The following CDC73 variants were observed in gnomAD, a reference collection of about 807,000 sequenced individuals.
CDC73 encodes the protein cell division cycle 73.
Under a neutral mutation model 83.7 loss-of-function variants are expected in CDC73, and 21 were observed. That is an observed-to-expected ratio of 0.25 (90% CI 0.18 to 0.36). The LOEUF is 0.36. Among genes scored for constraint, CDC73 ranks in the 10% least tolerant of loss-of-function variants. The pLI is 1.00. For missense variants in CDC73, 342 were observed against 653.3 expected (o/e 0.52, Z 5.19); for synonymous variants, 224 against 212.9 (o/e 1.05, Z -0.45).
intron 10 of CDC73, among the ~76,000 whole-genome samples, chr1:193,200,182 C>T (rs974412212): frequency 2.6e-5 from 4 of 152,048 alleles, no homozygotes; most frequent in Non-Finnish European, 5.9e-5. Flanking sequence ...CAAGATTGCA[C>T]CACTGCACTG....
rs1192328194 is a variant in CDC73, at chr1:193,164,527, C to T, written c.972+12083C>T. Among the ~76,000 whole-genome samples, 6 of 152,252 alleles carry T rather than the reference C, an allele frequency of 3.9e-5. 1 individual carries two copies. The highest frequency in any genetic ancestry group is 7.2e-5 in the African/African-American group (3 of 41,548). On this transcript the variant is annotated intron_variant, in intron 10 of 16. Transcript: ENST00000367435. ...CTGGATTCTCACCTCTAGCACATAA[C>T]ATGTTCTCTGTGTAAAGCTACATTG...
chr1:193,246,389 A>G (rs944045779), intron 15 of CDC73, among the ~76,000 whole-genome samples: 1 of 152,074 alleles, frequency 6.6e-6, no homozygotes, highest in East Asian at 1.9e-4. Context: ...TGGAAGTTAA[A>G]TTGTTCTTGT....
chr1:193,200,779 G>A (rs946254005), intron 10 of CDC73, among the ~76,000 whole-genome samples: 1 of 151,926 alleles, frequency 6.6e-6, no homozygotes, highest in Admixed American at 6.6e-5. Context: ...GTGTGTGCGC[G>A]CGTGCGTATA....
chr1:193,200,150 A>G (rs1271131492), intron 10 of CDC73, among the ~76,000 whole-genome samples: 8 of 151,796 alleles, frequency 5.3e-5, no homozygotes, highest in African/African-American at 1.9e-4. Context: ...CTTAAGCCCC[A>G]GAGGTCAAGG....
intron 15 of CDC73, among the ~76,000 whole-genome samples, chr1:193,242,045 G>A (rs1212723855): frequency 6.7e-6 from 1 of 149,058 alleles, no homozygotes; most frequent in Non-Finnish European, 1.5e-5. Context: ...GACTGTTGGA[G>A]TTGTGGGGTC....
intron 10 of CDC73, among the ~76,000 whole-genome samples, chr1:193,190,498 C>G (rs937271625): frequency 1.3e-5 from 2 of 152,236 alleles, no homozygotes; most frequent in African/African-American, 4.8e-5. Flanking sequence ...TCCTTGAACT[C>G]ACAAAGCAAG....
In CDC73 at chr1:193,229,212, G is replaced by A. The variant is rs139631996; in HGVS notation, c.1155-3781G>A. ...TACATACCCCATGATTCACTTGGAGGTATTTACATAAGAGAAATGAAAGCA... is the reference window on the plus strand; with the variant it reads ...TACATACCCCATGATTCACTTGGAGATATTTACATAAGAGAAATGAAAGCA... On this transcript the variant is annotated intron_variant, in intron 13 of 16. Coordinates refer to ENST00000367435, the MANE Select transcript of CDC73 (RefSeq NM_024529.5). 2.0e-4 allele frequency among the ~76,000 whole-genome samples: 30 copies of A among 152,306 alleles called. No individual in the cohort carries two copies. In the East Asian group the frequency reaches 4.6e-3, roughly 23 times the overall value.
At chr1:193,148,022 G>A (rs1676032343) in intron 8 of CDC73, 57 bp downstream of exon 8, 2 of 1,084,848 alleles carry the variant, frequency 1.8e-6, no homozygotes, top group African/African-American at 3.1e-5. Flanking sequence ...TTATATTGCA[G>A]TGTAGTAACG....
At chr1:193,218,909 T>C (rs1049764107) in intron 13 of CDC73, among the ~76,000 whole-genome samples, 1 of 152,016 alleles carries the variant, frequency 6.6e-6, no homozygotes, top group African/African-American at 2.4e-5. Context: ...AATAGACAAA[T>C]GGGAGCTAAA....
At chr1:193,197,261 G>C (rs904104593) in intron 10 of CDC73, among the ~76,000 whole-genome samples, 7 of 151,930 alleles carry the variant, frequency 4.6e-5, no homozygotes, top group Non-Finnish European at 1.5e-5. Context: ...TTTTTCATAT[G>C]TTGAACCACC....
intron 10 of CDC73, among the ~76,000 whole-genome samples, chr1:193,196,753 A>G (rs1204900920): frequency 6.6e-6 from 1 of 152,078 alleles, no homozygotes; most frequent in African/African-American, 2.4e-5. Context: ...TGGACCATCT[A>G]TTGTTAGTGT....
intron 13 of CDC73, among the ~76,000 whole-genome samples, chr1:193,219,242 TA>T (rs1188431068): frequency 1.3e-5 from 2 of 152,118 alleles, no homozygotes; most frequent in East Asian, 3.9e-4. Context: ...CAGAAAATAA[TA>T]GATCTTGGTG....
intron 11 of CDC73, among the ~76,000 whole-genome samples, chr1:193,207,768 AT>A: frequency 6.6e-6 from 1 of 152,336 alleles, no homozygotes; most frequent in Admixed American, 6.5e-5. Flanking sequence ...ATGTTTTACA[AT>A]CAATTTGTAC....
intron 13 of CDC73, among the ~76,000 whole-genome samples, chr1:193,214,229 T>C (rs1677323834): frequency 6.6e-6 from 1 of 152,218 alleles, no homozygotes; most frequent in Non-Finnish European, 1.5e-5. Flanking sequence ...ATTTTCTTTC[T>C]AGCTCAGCAT....
At chr1:193,124,656 T>C (rs182305932) in intron 1 of CDC73, among the ~76,000 whole-genome samples, 1 of 152,340 alleles carries the variant, frequency 6.6e-6, no homozygotes, top group Non-Finnish European at 1.5e-5. Context: ...TGAAATTCAG[T>C]GTTGTGTTTA....
intron 3 of CDC73, among the ~76,000 whole-genome samples, chr1:193,134,346 A>G (rs890780596): frequency 7.2e-5 from 11 of 152,154 alleles, no homozygotes; most frequent in Admixed American, 3.3e-4. Context: ...TAGTTAGGCC[A>G]TACAGTAGAG....
At chr1:193,167,477 A>G (rs1180379477) in intron 10 of CDC73, among the ~76,000 whole-genome samples, 1 of 152,092 alleles carries the variant, frequency 6.6e-6, no homozygotes, top group Admixed American at 6.6e-5. Context: ...TGATGTTGCT[A>G]CACCATGACC....
At chr1:193,173,374 C>CT (rs912276717) in intron 10 of CDC73, among the ~76,000 whole-genome samples, 3 of 151,916 alleles carry the variant, frequency 2.0e-5, no homozygotes, top group South Asian at 2.1e-4. Context: ...CCACCTCTTC[C>CT]TTTTTTTTCT....
intron 13 of CDC73, among the ~76,000 whole-genome samples, chr1:193,232,342 A>G (rs1677675097): frequency 6.6e-6 from 1 of 152,208 alleles, no homozygotes; most frequent in African/African-American, 2.4e-5. Flanking sequence ...ATTTCTAATA[A>G]AATTCCTCTT....
Sources: gnomAD v4.1 joint callset for allele counts (sites outside exome capture counted in the v4.1 genomes callset) on GRCh38, gnomAD v4.1.1 for gene constraint, MANE v1.5 for transcripts, NCBI Gene and HGNC (gene_info 2026-07-23, HGNC 2026-07-21) for gene names.